Variants in KIF26B observed in about 807,000 individuals in gnomAD.
KIF26B encodes kinesin-like protein KIF26B.
Under a neutral mutation model 151.2 loss-of-function variants are expected in KIF26B, and 63 were observed. The observed-to-expected ratio is 0.42, with a 90% CI of 0.34 to 0.51. The LOEUF is 0.51. Ranked by LOEUF, KIF26B falls within the 20% of genes least tolerant of loss-of-function variation. The pLI is 0.07. For synonymous variants in KIF26B, 1,357 were observed against 1,262.1 expected, an observed-to-expected ratio of 1.08 and a Z score of -1.59; for missense variants, 2,813 against 2,913.6, an observed-to-expected ratio of 0.97 and a Z score of 0.79.
At position 245,239,070 on chromosome 1, in the gene KIF26B, T is replaced by G. The variant is rs1670166300; in HGVS notation, c.465+82387T>G. ...TCCACCATCTACTGCAAGAGTTGTA[T>G]TTTCTGCCTCACGTCGCTGTCCTTC... On this transcript the variant is annotated intron_variant, in intron 2 of 14. Coordinates refer to ENST00000407071, the MANE Select transcript of KIF26B (RefSeq NM_018012.4). This position sits in a 1 kb window ranked among gnomAD's most constrained non-coding sequence, Gnocchi z 4.3. Among the ~76,000 whole-genome samples the G allele has an allele frequency of 6.6e-6, 1 of 152,194 alleles. No homozygotes were observed. The highest frequency in any genetic ancestry group is 1.5e-5 in the Non-Finnish European group (1 of 68,042).
chr1:245,250,835 T>C (rs1670429380), intron 2 of KIF26B, among the ~76,000 whole-genome samples: 1 of 152,226 alleles, frequency 6.6e-6, no homozygotes, highest in African/African-American at 2.4e-5. Flanking sequence ...TCTTTTGTTA[T>C]CGTATTGGGG....
intron 5 of KIF26B, among the ~76,000 whole-genome samples, chr1:245,578,492 A>G (rs1315290197): frequency 1.3e-5 from 2 of 152,224 alleles, no homozygotes; most frequent in African/African-American, 4.8e-5. Flanking sequence ...TCCTGGTCAC[A>G]GCTGTAGAGG....
In KIF26B at chr1:245,698,059, A is replaced by T; in HGVS notation, c.5825-47A>T. The T allele has an allele frequency of 6.5e-7, 1 of 1,549,818 alleles. No individual in the cohort carries two copies. The highest frequency in any genetic ancestry group is 1.4e-5 in the African/African-American group (1 of 72,254). Reference sequence around the variant, plus strand: ...CCTGTCTCAAAAAAACAACAAAAAAATTGAAATTCAGAAAGACTAACTCTC... The same window carrying T: ...CCTGTCTCAAAAAAACAACAAAAAATTTGAAATTCAGAAAGACTAACTCTC... On this transcript the variant is annotated intron_variant, in intron 12 of 14. Transcript: ENST00000407071. The surrounding 1 kb of genome is among the most constrained non-coding windows in gnomAD (Gnocchi z 4.0).
chr1:245,305,383 C>G (rs1006824033), intron 2 of KIF26B, among the ~76,000 whole-genome samples: 1 of 152,116 alleles, frequency 6.6e-6, no homozygotes, highest in African/African-American at 2.4e-5. Flanking sequence ...ATGAAAGACT[C>G]TTGCCACTCA....
chr1:245,428,157 T>A (rs1346904246), intron 4 of KIF26B, among the ~76,000 whole-genome samples: 1 of 152,214 alleles, frequency 6.6e-6, no homozygotes, highest in Non-Finnish European at 1.5e-5. Context: ...CCCTCTGGTT[T>A]CTTATTTATT....
intron 2 of KIF26B, among the ~76,000 whole-genome samples, chr1:245,177,319 A>G (rs937504021): frequency 6.6e-6 from 1 of 152,154 alleles, no homozygotes; most frequent in Non-Finnish European, 1.5e-5. Context: ...GGATAACACT[A>G]TCTCTTAAAA....
intron 3 of KIF26B, among the ~76,000 whole-genome samples, chr1:245,406,856 C>T (rs545387599): frequency 1.5e-4 from 23 of 152,170 alleles, no homozygotes; most frequent in Middle Eastern, 3.4e-3. Flanking sequence ...GGTGCGATCT[C>T]GGCTCACTGC....
At chr1:245,486,228 AT>A (rs1660277411) in intron 4 of KIF26B, among the ~76,000 whole-genome samples, 1 of 152,248 alleles carries the variant, frequency 6.6e-6, no homozygotes, top group African/African-American at 2.4e-5. Flanking sequence ...TTCAGTAAGC[AT>A]TTTATGAAAT....
intron 2 of KIF26B, among the ~76,000 whole-genome samples, chr1:245,194,620 C>T (rs1669162288): frequency 6.6e-6 from 1 of 152,096 alleles, no homozygotes. Context: ...TCAGGCCATC[C>T]ACCCACCTTG....
At chr1:245,210,501 T>C (rs558898308) in intron 2 of KIF26B, among the ~76,000 whole-genome samples, 1 of 128,002 alleles carries the variant, frequency 7.8e-6, no homozygotes, top group African/African-American at 2.9e-5. Flanking sequence ...GAACCCAATA[T>C]CCTAAGCTTT....
chr1:245,155,464 T>C lies in KIF26B; in HGVS notation c.40T>C (p.Ser14Pro), dbSNP rs1668412590. Residue 14 changes from serine to proline, a missense_variant, in exon 1 of 15, where the codon TCC becomes CCC. Physicochemically the swap from Ser to Pro is moderately conservative, Grantham distance 74. Coordinates refer to ENST00000407071, the MANE Select transcript of KIF26B (RefSeq NM_018012.4). Reference protein sequence around the residue: ...VAGNKERLAVSTRGKKYGVNE... With the variant: ...VAGNKERLAVPTRGKKYGVNE... ...TGGGAATAAAGAGAGGCTTGCGGTC[T>C]CCACCAGGGGCAAGAAATACGGGGT... 1 of 1,612,068 alleles carries C rather than the reference T, an allele frequency of 6.2e-7. No individual in the cohort carries two copies. The highest frequency in any genetic ancestry group is 8.5e-7 in the Non-Finnish European group (1 of 1,179,100).
intron 4 of KIF26B, among the ~76,000 whole-genome samples, chr1:245,482,432 A>G (rs1167962934): frequency 1.3e-5 from 2 of 151,862 alleles, no homozygotes; most frequent in African/African-American, 4.8e-5. Context: ...GTAATCCTTT[A>G]TAATCAACAT....
rs529076178 is a variant in KIF26B, at chr1:245,560,519, C to T, written c.1350+19569C>T. ...GGTGTTGATCTCCTTATGATACTCT[C>T]GGTTCCTAATTATGTTAGAAAAAAA... is the stretch of plus-strand genomic sequence containing the variant. On this transcript the variant is annotated intron_variant, in intron 5 of 14. Transcript: ENST00000407071. The surrounding 1 kb of genome is among the most constrained non-coding windows in gnomAD (Gnocchi z 4.3). 1.3e-5 allele frequency among the ~76,000 whole-genome samples: 2 copies of T among 151,364 alleles called. No homozygotes were observed. The highest frequency in any genetic ancestry group is 2.1e-4 in the South Asian group (1 of 4,752).
chr1:245,414,255 G>A (rs1674363700), intron 3 of KIF26B, among the ~76,000 whole-genome samples: 1 of 152,212 alleles, frequency 6.6e-6, no homozygotes, highest in Non-Finnish European at 1.5e-5. Context: ...TTGAAGTGTG[G>A]GGAGTCGCAC....
At position 245,276,418 on chromosome 1, in the gene KIF26B, G is replaced by A. The variant is rs186716629; in HGVS notation, c.466-90416G>A. Among the ~76,000 whole-genome samples, 3 of 152,246 alleles carry A rather than the reference G, an allele frequency of 2.0e-5. 1 individual carries two copies. In the East Asian group the frequency reaches 5.8e-4, roughly 29 times the overall value. On this transcript the variant is annotated intron_variant, in intron 2 of 14. Transcript: ENST00000407071. ...CCCCAGGGAGAAGTAAGGAGTTAGG[G>A]GTTTTCTCCTGTTTATTTTGTGCTG...
chr1:245,626,669 A>C (rs190986728), intron 9 of KIF26B, among the ~76,000 whole-genome samples: 4 of 151,892 alleles, frequency 2.6e-5, no homozygotes, highest in African/African-American at 9.7e-5. Flanking sequence ...TTTTTTTTCC[A>C]TTCTGCAGGT....
intron 4 of KIF26B, among the ~76,000 whole-genome samples, chr1:245,522,791 G>T (rs1045292389): frequency 6.6e-6 from 1 of 152,162 alleles, no homozygotes; most frequent in Non-Finnish European, 1.5e-5. Context: ...GTGTCGACAG[G>T]GTCTGGGGGA....
At chr1:245,306,647 C>T (rs1310505503) in intron 2 of KIF26B, among the ~76,000 whole-genome samples, 3 of 152,114 alleles carry the variant, frequency 2.0e-5, no homozygotes, top group Non-Finnish European at 2.9e-5. Flanking sequence ...ATGGAATCCT[C>T]CCCACCCCCC....
intron 5 of KIF26B, among the ~76,000 whole-genome samples, chr1:245,553,847 C>CAG (rs1213311249): frequency 6.6e-6 from 1 of 152,178 alleles, no homozygotes; most frequent in Non-Finnish European, 1.5e-5. Context: ...GAGCACCAGA[C>CAG]AGTGACCACA....
Sources: gnomAD v4.1 joint callset for allele counts (sites outside exome capture counted in the v4.1 genomes callset) on GRCh38, gnomAD v4.1.1 for gene constraint, Gnocchi (gnomAD v3.1) non-coding constraint, MANE v1.5 for transcripts, NCBI Gene and HGNC (gene_info 2026-07-23, HGNC 2026-07-21) for gene names.